Variants in NTM observed in about 807,000 individuals in gnomAD.
NTM encodes neurotrimin, also known as IgLON family member 2.
A neutral mutation model predicts 42.1 loss-of-function variants in NTM; 13 were observed. That is an observed-to-expected ratio of 0.31 (90% CI 0.20 to 0.49). NTM has a LOEUF of 0.49. Among genes scored for constraint, NTM ranks in the 20% least tolerant of loss-of-function variants. NTM has a pLI of 0.99. For synonymous variants in NTM, 187 were observed against 179.2 expected (o/e 1.04, Z -0.35); for missense variants, 373 against 452.8 (o/e 0.82, Z 1.60).
intron 2 of NTM, among the ~76,000 whole-genome samples, chr11:132,058,652 T>C (rs575407271): frequency 6.6e-6 from 1 of 152,320 alleles, no homozygotes; most frequent in South Asian, 2.1e-4. Flanking sequence ...TTGTGTGGGT[T>C]TGGCTGGGGC....
chr11:131,402,599 C>G (rs945277515), intron 1 of NTM, among the ~76,000 whole-genome samples: 1 of 152,138 alleles, frequency 6.6e-6, no homozygotes, highest in Non-Finnish European at 1.5e-5. Context: ...GCCATCAGCT[C>G]CCTCGTGCGT....
chr11:132,007,114 T>G (rs1255889838), intron 2 of NTM, among the ~76,000 whole-genome samples: 1 of 152,242 alleles, frequency 6.6e-6, no homozygotes, highest in East Asian at 1.9e-4. Context: ...GTCACACCTG[T>G]GATGGATGTC....
chr11:132,165,128 G>A (rs1344920077), intron 3 of NTM, among the ~76,000 whole-genome samples: 4 of 152,102 alleles, frequency 2.6e-5, no homozygotes, highest in Non-Finnish European at 4.4e-5. Flanking sequence ...TCCAACACCG[G>A]CAAAGCTATG....
chr11:132,134,609 C>T lies in NTM; in HGVS notation c.168-11673C>T, dbSNP rs147985738. Among the ~76,000 whole-genome samples, 299 of 149,612 alleles carry T rather than the reference C, an allele frequency of 2.0e-3. 1 individual carries two copies. Among genetic ancestry groups the T allele is most frequent in the Non-Finnish European group, 2.4e-3 (164 of 67,540 alleles). On this transcript the variant is annotated intron_variant, in intron 2 of 8. Coordinates refer to ENST00000683400, the MANE Select transcript of NTM (RefSeq NM_001352005.2). ...CATATGACATTTGGTTTTTCATTCC[C>T]GAGTTACTTCACTTAGAATAATAGT... is the stretch of plus-strand genomic sequence containing the variant.
intron 2 of NTM, among the ~76,000 whole-genome samples, chr11:132,080,487 CT>C (rs1312427004): frequency 1.3e-5 from 2 of 152,244 alleles, no homozygotes; most frequent in African/African-American, 4.8e-5. Context: ...CAGCTTCATT[CT>C]CCAGACTAAT....
intron 2 of NTM, among the ~76,000 whole-genome samples, chr11:131,971,773 C>T (rs138080026): frequency 0.1 from 15,250 of 151,760 alleles, 804 homozygotes; most frequent in East Asian, 0.19. Flanking sequence ...TAGCTGGGCG[C>T]AGTGGCTCAC....
At chr11:131,746,480 T>C (rs1266014523) in intron 1 of NTM, among the ~76,000 whole-genome samples, 1 of 152,188 alleles carries the variant, frequency 6.6e-6, no homozygotes, top group Non-Finnish European at 1.5e-5. Flanking sequence ...AGACAGATGC[T>C]CATGAATACG....
At chr11:131,528,682 A>C (rs534682944) in intron 1 of NTM, among the ~76,000 whole-genome samples, 1 of 152,274 alleles carries the variant, frequency 6.6e-6, no homozygotes, top group South Asian at 2.1e-4. Context: ...CTTTTTATCT[A>C]CCGCCTCCCA....
chr11:131,689,744 C>T (rs763091200), intron 1 of NTM, among the ~76,000 whole-genome samples: 107 of 152,166 alleles, frequency 7.0e-4, no homozygotes, highest in Non-Finnish European at 1.4e-3. Flanking sequence ...CAGGCTTGGA[C>T]TGCACTCCTC....
chr11:131,809,450 G>A (rs1592007634), intron 1 of NTM, among the ~76,000 whole-genome samples: 1 of 152,194 alleles, frequency 6.6e-6, no homozygotes, highest in Non-Finnish European at 1.5e-5. Context: ...TGGAGCAGCT[G>A]ATCACTGCTG....
intron 2 of NTM, among the ~76,000 whole-genome samples, chr11:132,052,325 C>T (rs1343202841): frequency 6.6e-6 from 1 of 152,168 alleles, no homozygotes; most frequent in African/African-American, 2.4e-5. Flanking sequence ...CACCAGCATT[C>T]CGGCATTCTC....
At chr11:131,957,027 G>A (rs1481945669) in intron 2 of NTM, among the ~76,000 whole-genome samples, 1 of 152,000 alleles carries the variant, frequency 6.6e-6, no homozygotes, top group East Asian at 1.9e-4. Context: ...GTTAATCATG[G>A]TTTAGATGGG....
intron 1 of NTM, among the ~76,000 whole-genome samples, chr11:131,425,618 T>C (rs1321018782): frequency 1.3e-5 from 2 of 152,198 alleles, no homozygotes; most frequent in African/African-American, 2.4e-5. Context: ...CACACCTGCA[T>C]AGTGTCAGTA....
At chr11:132,253,080 T>G (rs3133900) in intron 4 of NTM, among the ~76,000 whole-genome samples, 72,614 of 152,020 alleles carry the variant, frequency 0.48, 17,775 homozygotes, top group African/African-American at 0.55. Flanking sequence ...TATTAAGGGA[T>G]TCTCTGTCCA....
chr11:131,442,494 T>C (rs147009665), intron 1 of NTM, among the ~76,000 whole-genome samples: 28 of 152,250 alleles, frequency 1.8e-4, no homozygotes, highest in Admixed American at 3.9e-4. Context: ...ATGACAGGGA[T>C]TGGGCTTCTA....
intron 1 of NTM, among the ~76,000 whole-genome samples, chr11:131,620,304 T>A (rs2062395557): frequency 6.6e-6 from 1 of 152,202 alleles, no homozygotes; most frequent in South Asian, 2.1e-4. Flanking sequence ...CAAGTCATCA[T>A]CTTCTTTAAA....
At chr11:132,060,550 G>T (rs762974514) in intron 2 of NTM, among the ~76,000 whole-genome samples, 1 of 152,174 alleles carries the variant, frequency 6.6e-6, no homozygotes, top group Non-Finnish European at 1.5e-5. Flanking sequence ...TGGTAAACAC[G>T]CACAATAAAT....
chr11:131,730,941 C>CT (rs1268708215), intron 1 of NTM, among the ~76,000 whole-genome samples: 1 of 152,162 alleles, frequency 6.6e-6, no homozygotes, highest in Non-Finnish European at 1.5e-5. Flanking sequence ...CCAAGTTTCA[C>CT]TATAAAAAAA....
At chr11:131,729,079 T>G (rs1413108144) in intron 1 of NTM, among the ~76,000 whole-genome samples, 3 of 152,200 alleles carry the variant, frequency 2.0e-5, no homozygotes, top group Admixed American at 6.5e-5. Flanking sequence ...GGATTTGAAA[T>G]CTAAAATGTC....
Sources: allele counts gnomAD v4.1 joint callset (sites outside exome capture counted in the v4.1 genomes callset), GRCh38; gene constraint gnomAD v4.1.1; transcripts MANE v1.5; gene names NCBI Gene and HGNC (gene_info 2026-07-23, HGNC 2026-07-21).